The following CIZ1 variants were observed in gnomAD, a reference collection of about 807,000 sequenced individuals.
CIZ1 encodes CDKN1A interacting zinc finger protein 1.
CIZ1 carries 58 observed loss-of-function variants against 118.6 expected under a neutral mutation model. That is an observed-to-expected ratio of 0.49 (90% CI 0.40 to 0.61). CIZ1 has a LOEUF of 0.61. CIZ1 is among the 20% of genes least tolerant of loss of function. The pLI, the probability that CIZ1 is intolerant of heterozygous loss-of-function variation, is 0.00. For synonymous variants in CIZ1, 448 were observed against 443.4 expected (o/e 1.01, Z -0.13); for missense variants, 921 against 1,115.9 (o/e 0.83, Z 2.49).
intron 5 of CIZ1, among the ~76,000 whole-genome samples, chr9:128,183,646 C>A (rs1831978954): frequency 6.6e-6 from 1 of 152,248 alleles, no homozygotes; most frequent in Non-Finnish European, 1.5e-5. Context: ...ACCTCTCAAA[C>A]ACACAAGGAG....
chr9:128,177,053 T>C (rs1338951366), intron 10 of CIZ1, among the ~76,000 whole-genome samples: 3 of 152,118 alleles, frequency 2.0e-5, no homozygotes, highest in East Asian at 1.9e-4. Context: ...TACAGAAGCA[T>C]GCCAACACAT....
In CIZ1 at chr9:128,203,270, C is replaced by A. The variant is rs769135520; in HGVS notation, c.-6+916G>T. The A allele has an allele frequency of 1.2e-4, 28 of 237,016 alleles. No homozygotes were observed. The highest frequency in any genetic ancestry group is 5.3e-4 in the African/African-American group (23 of 43,550). The allele number at this position is 237,016 out of a possible 1,614,324, so 14.7% of individuals were successfully genotyped here. A position where few individuals can be genotyped will look rare whatever the true frequency, so the allele number is the denominator to read the frequency against. ...ACTACGACACCCATGATGCCCCGGA[C>A]GGCGCCTGCGCACGGCGGCCGGCCC... is the stretch of plus-strand genomic sequence containing the variant. On this transcript the variant is annotated intron_variant, in intron 1 of 17. Transcript: ENST00000372948. This position sits in a 1 kb window ranked among gnomAD's most constrained non-coding sequence, Gnocchi z 5.3.
chr9:128,172,818 C>T (rs577917118), intron 11 of CIZ1, among the ~76,000 whole-genome samples: 17 of 151,976 alleles, frequency 1.1e-4, no homozygotes, highest in African/African-American at 3.6e-4. Context: ...ATTTTCAAAA[C>T]GTTATATAAT....
Position 128,170,003 on chromosome 9 carries a change from C to T in CIZ1, c.2031+17G>A, listed in dbSNP as rs45615235. On this transcript the variant is annotated intron_variant, in intron 12 of 16. Transcript: ENST00000372938. ...GACGGCAGTGCGGGTGCCTCTGCAG[C>T]GTGCAGGCCCTCCTACCTTGTGGTC... The T allele has an allele frequency of 3.1e-3, 5,042 of 1,602,646 alleles. 125 individuals carry two copies. In the African/African-American group the frequency reaches 0.058, roughly 18 times the overall value.
At chr9:128,169,348 C>G (rs1172668779) in intron 13 of CIZ1, 58 bp downstream of exon 13, 1 of 1,529,014 alleles carries the variant, frequency 6.5e-7, no homozygotes, top group African/African-American at 1.4e-5. Context: ...TGCTACACAG[C>G]CTTGGCCAAG....
chr9:128,170,007 C>T lies in CIZ1; in HGVS notation c.2031+13G>A. 2 of 1,609,060 alleles carry T rather than the reference C, an allele frequency of 1.2e-6. No homozygotes were observed. The highest frequency in any genetic ancestry group is 1.7e-4 in the Middle Eastern group (1 of 6,034). ...GCAGTGCGGGTGCCTCTGCAGCGTG[C>T]AGGCCCTCCTACCTTGTGGTCCTGT... On this transcript the variant is annotated intron_variant, in intron 12 of 16. Transcript: ENST00000372938.
At chr9:128,192,485 C>T (rs1162448976), upstream of CIZ1, among the ~76,000 whole-genome samples, 1 of 152,020 alleles carries the variant, frequency 6.6e-6, no homozygotes, top group Non-Finnish European at 1.5e-5. Flanking sequence ...GCTGTATCCC[C>T]CCATCCCCGC....
At chr9:128,173,328 G>T (rs1232493582) in intron 11 of CIZ1, among the ~76,000 whole-genome samples, 2 of 151,774 alleles carry the variant, frequency 1.3e-5, no homozygotes, top group African/African-American at 4.8e-5. Flanking sequence ...GTATTTTTTA[G>T]TAGAGACGGG....
chr9:128,186,756 ACATC>A (rs1832423397), intron 4 of CIZ1, among the ~76,000 whole-genome samples: 1 of 151,766 alleles, frequency 6.6e-6, no homozygotes, highest in East Asian at 1.9e-4. Flanking sequence ...CGTCCTTCAG[ACATC>A]CTGCCTCAGG....
In CIZ1 at chr9:128,179,184, C is replaced by T; in HGVS notation, c.1023G>A (p.Leu341=). Residue 341 remains leucine, a synonymous_variant, in exon 8 of 17, where the codon CTG becomes CTA. Coordinates refer to ENST00000372938, the MANE Select transcript of CIZ1 (RefSeq NM_001131016.2). ...PSTDTQVQPK[L]QKQAQTQTSP... ...AGGTCTGTGTTTGCGCCTGCTTCTG[C>T]AGCTTTGGCTGCACCTGGGTGTCTG... is the stretch of plus-strand genomic sequence containing the variant. The T allele has an allele frequency of 6.2e-7, 1 of 1,614,132 alleles. No individual in the cohort carries two copies. Among genetic ancestry groups the T allele is most frequent in the South Asian group, 1.1e-5 (1 of 91,086 alleles).
intron 5 of CIZ1, among the ~76,000 whole-genome samples, chr9:128,184,090 G>A (rs866055202): frequency 6.6e-6 from 1 of 152,118 alleles, no homozygotes; most frequent in Admixed American, 6.6e-5. Context: ...TCTATGAATG[G>A]CAATTAACTT....
intron 7 of CIZ1, among the ~76,000 whole-genome samples, chr9:128,179,741 C>T (rs1403272705): frequency 6.6e-6 from 1 of 152,088 alleles, no homozygotes; most frequent in Admixed American, 6.6e-5. Flanking sequence ...GGCGCGATCT[C>T]GGCTCACCAC....
At chr9:128,196,559 A>G (rs1833381788), upstream of CIZ1, among the ~76,000 whole-genome samples, 1 of 151,872 alleles carries the variant, frequency 6.6e-6, no homozygotes, top group Non-Finnish European at 1.5e-5. Flanking sequence ...AAAAAAAAAA[A>G]AGAAAGAAAG....
upstream of CIZ1, chr9:128,191,698 T>C (rs1392032158): frequency 1.5e-6 from 2 of 1,296,282 alleles, no homozygotes; most frequent in African/African-American, 1.5e-5. This position sits in a 1 kb window ranked among gnomAD's most constrained non-coding sequence, Gnocchi z 5.5. Context: ...TGCGGGGCGC[T>C]AGCAGGTGCG....
chr9:128,182,387 C>T (rs909825905), intron 5 of CIZ1, among the ~76,000 whole-genome samples: 9 of 152,260 alleles, frequency 5.9e-5, no homozygotes, highest in Non-Finnish European at 1.0e-4. Flanking sequence ...ATGATCTGCC[C>T]GCCTCGGCCT....
intron 1 of CIZ1, among the ~76,000 whole-genome samples, chr9:128,200,836 CAAAT>C (rs58614828): frequency 1.3e-5 from 2 of 149,166 alleles, no homozygotes; most frequent in Non-Finnish European, 1.5e-5. Flanking sequence ...GACTACGTCT[CAAAT>C]AAATAAATAA....
upstream of CIZ1, among the ~76,000 whole-genome samples, chr9:128,192,726 A>C (rs557765133): frequency 2.0e-5 from 3 of 152,320 alleles, no homozygotes; most frequent in South Asian, 6.2e-4. Flanking sequence ...TATTTTTAAT[A>C]GAGACGGGGC....
chr9:128,188,905 T>A (rs1832784330), intron 3 of CIZ1, among the ~76,000 whole-genome samples: 1 of 152,082 alleles, frequency 6.6e-6, no homozygotes, highest in Non-Finnish European at 1.5e-5. Flanking sequence ...TTCAAGTGAT[T>A]CTCCTGCCTC....
intron 3 of CIZ1, among the ~76,000 whole-genome samples, chr9:128,189,857 A>AAAAT (rs1333278914): frequency 7.5e-6 from 1 of 133,434 alleles, no homozygotes; most frequent in African/African-American, 2.7e-5. Context: ...AAAAAAAAAA[A>AAAAT]GGAGCAGCAT....
Sources: allele counts gnomAD v4.1 joint callset (sites outside exome capture counted in the v4.1 genomes callset), GRCh38; gene constraint gnomAD v4.1.1; non-coding constraint Gnocchi (gnomAD v3.1); transcripts MANE v1.5; gene names NCBI Gene and HGNC (gene_info 2026-07-23, HGNC 2026-07-21).